The following PAN3 variants were observed in gnomAD, a reference collection of about 807,000 sequenced individuals.
The protein encoded by PAN3 is poly(A) specific ribonuclease subunit PAN3.
In PAN3, 19 loss-of-function variants were observed where a neutral mutation model predicts 96.2. The observed-to-expected ratio is 0.20, with a 90% confidence interval of 0.14 to 0.29. The LOEUF (loss-of-function observed/expected upper bound fraction) is 0.29, where lower values mean the gene tolerates loss of function less well. Among genes scored for constraint, PAN3 ranks in the 10% least tolerant of loss-of-function variants. The pLI is 1.00. For missense variants in PAN3, 882 were observed against 1,108.1 expected (o/e 0.80, Z 2.90); for synonymous variants, 433 against 406.6 (o/e 1.06, Z -0.78).
At chr13:28,256,691 C>A in intron 7 of PAN3, 152 bp downstream of exon 7, 1 of 831,008 alleles carries the variant, frequency 1.2e-6, no homozygotes, top group Non-Finnish European at 1.8e-6. Flanking sequence ...CTCTTCTTCT[C>A]AACTCTTCAA....
intron 15 of PAN3, 56 bp downstream of exon 15, chr13:28,277,432 CTTTTTTTGT>C: frequency 6.5e-7 from 1 of 1,528,394 alleles, no homozygotes; most frequent in South Asian, 1.3e-5. Context: ...TAAGACAGAG[CTTTTTTTGT>C]TTTAAGTGAT....
chr13:28,266,971 A>C, intron 10 of PAN3, 95 bp downstream of exon 10: 2 of 1,285,896 alleles, frequency 1.6e-6, no homozygotes, highest in South Asian at 2.0e-5. Flanking sequence ...ATGAATTAAA[A>C]ATTTTTATTT....
rs565485658 is a variant in PAN3 at position 28,241,903 on chromosome 13, C to T, written c.1001-14389C>T. Among the ~76,000 whole-genome samples the T allele has an allele frequency of 4.0e-5, 6 of 151,212 alleles. No individual in the cohort carries two copies. The East Asian group carries it at 1.2e-3, about 29-fold the overall frequency. ...TTCACATGTTCTCAAGTCATCTGTT[C>T]AAGATGACATATGTTTTATTAATTT... On this transcript the variant is annotated intron_variant, in intron 6 of 18. Coordinates refer to ENST00000380958, the MANE Select transcript of PAN3 (RefSeq NM_175854.8).
chr13:28,289,638 T>G lies in PAN3; in HGVS notation c.2523+1516T>G, dbSNP rs140212620. On this transcript the variant is annotated intron_variant, in intron 18 of 18. Coordinates refer to ENST00000380958, the MANE Select transcript of PAN3 (RefSeq NM_175854.8). ...AGCTCGCGCCTGTAATCCCAGCACTTTGGGAGGCCACGGCGGGCGGATCAC... is the reference window on the plus strand; with the variant it reads ...AGCTCGCGCCTGTAATCCCAGCACTGTGGGAGGCCACGGCGGGCGGATCAC... 8.8e-3 allele frequency among the ~76,000 whole-genome samples: 1,339 copies of G among 152,234 alleles called. 18 individuals carry two copies. Among genetic ancestry groups the G allele is most frequent in the African/African-American group, 0.031 (1,295 of 41,534 alleles).
At chr13:28,178,036 C>A in intron 4 of PAN3, 101 bp downstream of exon 4, 4 of 997,356 alleles carry the variant, frequency 4.0e-6, no homozygotes, top group East Asian at 5.2e-5. Flanking sequence ...GGAGGGAGAG[C>A]TTTTTATGGG....
rs1884526305 is a variant in PAN3, at chr13:28,249,603, C to T, written c.1001-6689C>T. Among the ~76,000 whole-genome samples, 3 of 151,978 alleles carry T rather than the reference C, an allele frequency of 2.0e-5. No individual in the cohort carries two copies. The South Asian group carries it at 6.2e-4, about 32-fold the overall frequency. On this transcript the variant is annotated intron_variant, in intron 6 of 18. Coordinates refer to ENST00000380958, the MANE Select transcript of PAN3 (RefSeq NM_175854.8). ...AGCTGGGACTACAGGTGCCTGCCAC[C>T]ACACCTGGCTAATTTTTTGTATTTT... is the stretch of plus-strand genomic sequence containing the variant.
chr13:28,227,959 A>C (rs1882176127), intron 6 of PAN3, among the ~76,000 whole-genome samples: 1 of 152,216 alleles, frequency 6.6e-6, no homozygotes, highest in Non-Finnish European at 1.5e-5. Context: ...GGTGTAAATG[A>C]ATGCCCGAGA....
At chr13:28,229,997 C>A (rs998889609) in intron 6 of PAN3, among the ~76,000 whole-genome samples, 3 of 152,000 alleles carry the variant, frequency 2.0e-5, no homozygotes, top group Non-Finnish European at 4.4e-5. Context: ...ATCTCCCTTT[C>A]TCATCCTCCT....
At chr13:28,254,889 A>C (rs1278636799) in intron 6 of PAN3, among the ~76,000 whole-genome samples, 1 of 152,136 alleles carries the variant, frequency 6.6e-6, no homozygotes, top group East Asian at 1.9e-4. Flanking sequence ...CTTTGCATGT[A>C]TGTCCTGTGG....
intron 9 of PAN3, among the ~76,000 whole-genome samples, chr13:28,261,870 A>G (rs1051951623): frequency 6.7e-6 from 1 of 149,982 alleles, no homozygotes; most frequent in African/African-American, 2.4e-5. Flanking sequence ...CCAAGGTACT[A>G]CTGATCATCT....
chr13:28,203,407 A>C (rs777873098), intron 5 of PAN3, among the ~76,000 whole-genome samples: 31 of 151,812 alleles, frequency 2.0e-4, no homozygotes, highest in Non-Finnish European at 4.0e-4. Context: ...GGGCTTAAGC[A>C]GTTCTCCCAC....
intron 6 of PAN3, among the ~76,000 whole-genome samples, chr13:28,233,305 T>A (rs1007589594): frequency 6.6e-6 from 1 of 151,638 alleles, no homozygotes; most frequent in African/African-American, 2.4e-5. Flanking sequence ...CTCACTCTAT[T>A]GCCCAGGCTG....
chr13:28,235,660 G>C (rs1286449040), intron 6 of PAN3, among the ~76,000 whole-genome samples: 1 of 146,256 alleles, frequency 6.8e-6, no homozygotes, highest in Non-Finnish European at 1.5e-5. Flanking sequence ...TAATTTTTTA[G>C]TATTTTTGTC....
intron 5 of PAN3, among the ~76,000 whole-genome samples, chr13:28,199,853 C>A (rs141879227): frequency 2.2e-3 from 328 of 151,962 alleles, no homozygotes; most frequent in African/African-American, 7.5e-3. Flanking sequence ...CATTTGTTTC[C>A]TTAAATCTTA....
At chr13:28,162,207 G>C (rs1165423367) in intron 1 of PAN3, among the ~76,000 whole-genome samples, 3 of 152,182 alleles carry the variant, frequency 2.0e-5, no homozygotes, top group Non-Finnish European at 4.4e-5. Flanking sequence ...TTAGTAGTTG[G>C]CAACTGGCTG....
At chr13:28,169,801 C>T (rs1323174604) in intron 1 of PAN3, among the ~76,000 whole-genome samples, 1 of 151,938 alleles carries the variant, frequency 6.6e-6, no homozygotes, top group Non-Finnish European at 1.5e-5. Flanking sequence ...GTAATCCCAG[C>T]ACTTTGGGAG....
intron 1 of PAN3, among the ~76,000 whole-genome samples, chr13:28,170,083 T>C (rs1475871668): frequency 6.6e-6 from 1 of 152,116 alleles, no homozygotes; most frequent in African/African-American, 2.4e-5. Context: ...ATAATAATTT[T>C]AACCATTGAT....
At chr13:28,266,353 C>T (rs1886175823) in intron 9 of PAN3, among the ~76,000 whole-genome samples, 1 of 152,038 alleles carries the variant, frequency 6.6e-6, no homozygotes, top group African/African-American at 2.4e-5. Flanking sequence ...TTAAAAAATA[C>T]ATGTTTTTTT....
At position 28,138,582 on chromosome 13, in the gene PAN3, C is replaced by G; in HGVS notation, c.-76C>G. On this transcript the variant is annotated 5_prime_UTR_variant, in exon 1 of 19. Coordinates refer to ENST00000380958, the MANE Select transcript of PAN3 (RefSeq NM_175854.8). ...TTTTATCCGGCACCGGCAGCGTCTT[C>G]CTTTCCTCCCCCGTCTATGGTGGTG... The G allele has an allele frequency of 2.4e-6, 1 of 408,450 alleles. No individual in the cohort carries two copies. Among genetic ancestry groups the G allele is most frequent in the East Asian group, 4.3e-5 (1 of 23,408 alleles). 25.3% of individuals were successfully genotyped at this position (408,450 alleles called of 1,614,324 possible).
Sources: allele counts gnomAD v4.1 joint callset (sites outside exome capture counted in the v4.1 genomes callset), GRCh38; gene constraint gnomAD v4.1.1; transcripts MANE v1.5; gene names NCBI Gene and HGNC (gene_info 2026-07-23, HGNC 2026-07-21).